TIGD1: variants seen among roughly 807,000 people sequenced by gnomAD.
The protein encoded by TIGD1 is tigger transposable element-derived protein 1.
Under a neutral mutation model 21.3 loss-of-function variants are expected in TIGD1, and 20 were observed. That is an observed-to-expected ratio of 0.94 (90% CI 0.66 to 1.36). The LOEUF (loss-of-function observed/expected upper bound fraction) is 1.36. TIGD1 is among the 40% of genes most tolerant of loss of function. TIGD1 has a pLI of 0.00. For synonymous variants in TIGD1, 177 were observed against 123.2 expected (o/e 1.44, Z -2.89); for missense variants, 556 against 350.5 (o/e 1.59, Z -4.68).
chr2:232,548,188 G>A lies in TIGD1; in HGVS notation c.1695C>T (p.Thr565=), dbSNP rs1042470022. 6.5e-7 allele frequency: 1 copy of A among 1,529,576 alleles called. No individual in the cohort carries two copies. Among genetic ancestry groups the A allele is most frequent in the African/African-American group, 1.4e-5 (1 of 72,832 alleles). 94.8% of individuals were successfully genotyped at this position (1,529,576 alleles called of 1,614,324 possible). A position where few individuals can be genotyped will look rare whatever the true frequency, so the allele number is the denominator to read the frequency against. The change falls in exon 1 of 1, where the codon ACC becomes ACT. Residue 565 remains threonine (T), a synonymous_variant. Coordinates refer to ENST00000408957, the MANE Select transcript of TIGD1 (RefSeq NM_145702.4). Reference sequence around the variant, plus strand: ...AGGTTGATGGTTGCTGACTGGTCAGGGTGGTGGCTGCTGAAGGTTGGGGTG... The same window carrying A: ...AGGTTGATGGTTGCTGACTGGTCAGAGTGGTGGCTGCTGAAGGTTGGGGTG... ...PQPPQPSAAT[T]LTSQQPSTSR...
rs17857052 is a variant in TIGD1, at chr2:232,549,137, T to C, written c.746A>G (p.Asn249Ser). Residue 249 changes from asparagine (N) to serine (S), a missense_variant, in exon 1 of 1, where the codon AAT becomes AGT. Coordinates refer to ENST00000408957, the MANE Select transcript of TIGD1 (RefSeq NM_145702.4). ...CACGGGTAGAGTAGATTTAGTATAATTCTTAAGGGCCCTAGGATTTTCAGA... is the reference window on the plus strand; with the variant it reads ...CACGGGTAGAGTAGATTTAGTATAACTCTTAAGGGCCCTAGGATTTTCAGA... ...YHSENPRALKNYTKSTLPVLY... is the reference protein window; with the variant it reads ...YHSENPRALKSYTKSTLPVLY... 4.2e-6 allele frequency: 3 copies of C among 715,572 alleles called. No individual in the cohort carries two copies. Among genetic ancestry groups the C allele is most frequent in the Admixed American group, 4.0e-5 (2 of 49,894 alleles). The allele number at this position is 715,572 out of a possible 1,614,324, so 44.3% of individuals were successfully genotyped here.
chr2:232,547,381 G>A lies in TIGD1; in HGVS notation c.*726C>T, dbSNP rs1177671724. ...TGCAGTGAGCTGTGATCATGTGACT[G>A]CACTCCAGCCTGATGACACAGTAAG... On this transcript the variant is annotated 3_prime_UTR_variant, in exon 1 of 1. Coordinates refer to ENST00000408957, the MANE Select transcript of TIGD1 (RefSeq NM_145702.4). 6.6e-6 allele frequency among the ~76,000 whole-genome samples: 1 copy of A among 152,094 alleles called. No homozygotes were observed. Among genetic ancestry groups the A allele is most frequent in the Admixed American group, 6.6e-5 (1 of 15,266 alleles).
Position 232,545,566 on chromosome 2 carries a change from G to A in TIGD1, c.*2541C>T. ...AGGGGAATGAGGAGTGGTTCCTGGT[G>A]GGCCGAGTGCTGGACCGCGTCTGCT... On this transcript the variant is annotated 3_prime_UTR_variant, in exon 1 of 1. Transcript: ENST00000408957. The A allele has an allele frequency of 6.2e-7, 1 of 1,613,950 alleles. No homozygotes were observed. Among genetic ancestry groups the A allele is most frequent in the African/African-American group, 1.3e-5 (1 of 75,050 alleles).
Position 232,550,058 on chromosome 2 carries a change from T to C in TIGD1, c.-176A>G, listed in dbSNP as rs1233773784. On this transcript the variant is annotated 5_prime_UTR_variant, in exon 1 of 1. Coordinates refer to ENST00000408957, the MANE Select transcript of TIGD1 (RefSeq NM_145702.4). ...ATGTGGCACCCCAAAACAATGACAA[T>C]AGCAACATCAAAGATCACTGATCAT... 6.3e-6 allele frequency: 3 copies of C among 478,018 alleles called. No homozygotes were observed. The highest frequency in any genetic ancestry group is 1.1e-5 in the Non-Finnish European group (3 of 264,628). The allele number at this position is 478,018 out of a possible 1,614,324, so 29.6% of individuals were successfully genotyped here. A position where few individuals can be genotyped will look rare whatever the true frequency, so the allele number is the denominator to read the frequency against.
chr2:232,545,527 T>C lies in TIGD1; in HGVS notation c.*2580A>G. On this transcript the variant is annotated 3_prime_UTR_variant, in exon 1 of 1. Coordinates refer to ENST00000408957, the MANE Select transcript of TIGD1 (RefSeq NM_145702.4). ...GTGCCGCCGCTGGTTATCCCACACC[T>C]GCCTCCCACCCTCAGGGGAATGAGG... 1 of 1,612,554 alleles carries C rather than the reference T, an allele frequency of 6.2e-7. No individual in the cohort carries two copies. Among genetic ancestry groups the C allele is most frequent in the Non-Finnish European group, 8.5e-7 (1 of 1,179,576 alleles).
rs1366037472 is a variant in TIGD1, at chr2:232,546,994, G to T, written c.*1113C>A. 6.6e-6 allele frequency among the ~76,000 whole-genome samples: 1 copy of T among 152,192 alleles called. No individual in the cohort carries two copies. The highest frequency in any genetic ancestry group is 1.5e-5 in the Non-Finnish European group (1 of 68,030). ...TGGGGTCTTCCTGGGGGAGAGGCAA[G>T]GTCCTGCTCTGAGATTACAGCCGGC... On this transcript the variant is annotated 3_prime_UTR_variant, in exon 1 of 1. Transcript: ENST00000408957.
rs765181661 is a variant in TIGD1 at position 232,545,722 on chromosome 2, CCAA to C, written c.*2382_*2384del. The C allele has an allele frequency of 4.8e-5, 78 of 1,614,004 alleles. No individual in the cohort carries two copies. Among genetic ancestry groups the C allele is most frequent in the Non-Finnish European group, 6.3e-5 (74 of 1,180,048 alleles). ...ACCTGCCCTCACCAGACTGAGCCAA[CCAA>C]CCACTGTGGGGCATGTGGGAGTCAC... is the stretch of plus-strand genomic sequence containing the variant. On this transcript the variant is annotated 3_prime_UTR_variant, in exon 1 of 1. Transcript: ENST00000408957.
At position 232,550,217 on chromosome 2, in the gene TIGD1, C is replaced by A; in HGVS notation, c.-335G>T. 1 of 305,062 alleles carries A rather than the reference C, an allele frequency of 3.3e-6. No homozygotes were observed. Among genetic ancestry groups the A allele is most frequent in the East Asian group, 6.6e-5 (1 of 15,122 alleles). The allele number at this position is 305,062 out of a possible 1,614,324, so 18.9% of individuals were successfully genotyped here. On this transcript the variant is annotated 5_prime_UTR_variant, in exon 1 of 1. Transcript: ENST00000408957. ...GCTGATACAATTGCTGGACTCAGGGCTGCCACAAACCCTCCATTTGTTTTC... is the reference window on the plus strand; with the variant it reads ...GCTGATACAATTGCTGGACTCAGGGATGCCACAAACCCTCCATTTGTTTTC...
At position 232,547,965 on chromosome 2, in the gene TIGD1, A is replaced by G. The variant is rs1044362444; in HGVS notation, c.*142T>C. 4 of 447,074 alleles carry G rather than the reference A, an allele frequency of 8.9e-6. No homozygotes were observed. Among genetic ancestry groups the G allele is most frequent in the African/African-American group, 8.1e-5 (4 of 49,092 alleles). The allele number at this position is 447,074 out of a possible 1,614,324, so 27.7% of individuals were successfully genotyped here. ...AGACCAACACAAGAAAGCAAGTCAC[A>G]TGAATGTTTTTGGTTTCCCAATGCA... On this transcript the variant is annotated 3_prime_UTR_variant, in exon 1 of 1. Coordinates refer to ENST00000408957, the MANE Select transcript of TIGD1 (RefSeq NM_145702.4).
Position 232,548,309 on chromosome 2 carries a change from T to C in TIGD1, c.1574A>G (p.Asn525Ser). The C allele has an allele frequency of 2.0e-6, 3 of 1,502,018 alleles. No homozygotes were observed. The South Asian group carries it at 3.9e-5, about 19-fold the overall frequency. The allele number at this position is 1,502,018 out of a possible 1,614,324, so 93.0% of individuals were successfully genotyped here. A position where few individuals can be genotyped will look rare whatever the true frequency, so the allele number is the denominator to read the frequency against. ...RSSTVGKMLSNSIACYREIFH... is the reference protein window; with the variant it reads ...RSSTVGKMLSSSIACYREIFH... ...GATTTCTCTGTAGCATGCGATGCTG[T>C]TTGATAGCATTTTGCCCACAGTAGA... Residue 525 changes from asparagine to serine, a missense_variant, in exon 1 of 1, where the codon AAC becomes AGC. Asn to Ser is a conservative substitution (Grantham distance 46). Coordinates refer to ENST00000408957, the MANE Select transcript of TIGD1 (RefSeq NM_145702.4).
Position 232,544,920 on chromosome 2 carries a change from G to C in TIGD1, c.*3187C>G, listed in dbSNP as rs770089601. 6.2e-5 allele frequency: 100 copies of C among 1,613,662 alleles called. No individual in the cohort carries two copies. Among genetic ancestry groups the C allele is most frequent in the Non-Finnish European group, 7.9e-5 (93 of 1,179,936 alleles). ...TTGACAATGTAAGCTGAGTCAGGGT[G>C]GGGTGGAGGTGGAGTGAGTACCTGG... On this transcript the variant is annotated 3_prime_UTR_variant, in exon 1 of 1. Transcript: ENST00000408957.
Position 232,546,683 on chromosome 2 carries a change from T to A in TIGD1, c.*1424A>T, listed in dbSNP as rs1692140339. Among the ~76,000 whole-genome samples the A allele has an allele frequency of 6.6e-6, 1 of 151,776 alleles. No homozygotes were observed. Among genetic ancestry groups the A allele is most frequent in the Admixed American group, 6.6e-5 (1 of 15,222 alleles). ...TCACAGCAGTATGGATAAGCAAGAG[T>A]CATTATTCCCCATGTTATATAGGCA... is the stretch of plus-strand genomic sequence containing the variant. On this transcript the variant is annotated 3_prime_UTR_variant, in exon 1 of 1. Coordinates refer to ENST00000408957, the MANE Select transcript of TIGD1 (RefSeq NM_145702.4).
Position 232,544,276 on chromosome 2 carries a change from T to C in TIGD1, c.*3831A>G, listed in dbSNP as rs1341160940. 3.1e-6 allele frequency: 3 copies of C among 964,482 alleles called. 1 individual carries two copies. Among genetic ancestry groups the C allele is most frequent in the East Asian group, 4.8e-5 (2 of 42,086 alleles). 59.7% of individuals were successfully genotyped at this position (964,482 alleles called of 1,614,324 possible). On this transcript the variant is annotated 3_prime_UTR_variant, in exon 1 of 1. Coordinates refer to ENST00000408957, the MANE Select transcript of TIGD1 (RefSeq NM_145702.4). ...TCACTGCCCCGGTATGCTGCCTCCA[T>C]GGTCCCTAGCAGCACAAGCCCTTCA...
Position 232,546,193 on chromosome 2 carries a change from C to T in TIGD1, c.*1914G>A, listed in dbSNP as rs59295139. The T allele has an allele frequency of 2.1e-4, 47 of 221,832 alleles. No homozygotes were observed. The highest frequency in any genetic ancestry group is 1.0e-3 in the African/African-American group (45 of 44,576). 13.7% of individuals were successfully genotyped at this position (221,832 alleles called of 1,614,324 possible). On this transcript the variant is annotated 3_prime_UTR_variant, in exon 1 of 1. Transcript: ENST00000408957. ...AGCCCATACCAGCTGGCATCTCCCC[C>T]CCGTGCCTTCTGGGTACAATAAGCA...
Position 232,549,859 on chromosome 2 carries a change from T to C in TIGD1, c.24A>G (p.Glu8=). The C allele has an allele frequency of 6.6e-7, 1 of 1,517,316 alleles. No individual in the cohort carries two copies. The highest frequency in any genetic ancestry group is 2.1e-5 in the Admixed American group (1 of 48,478). 94.0% of individuals were successfully genotyped at this position (1,517,316 alleles called of 1,614,324 possible). The change falls in exon 1 of 1, where the codon GAA becomes GAG. Residue 8 remains glutamate (E), a synonymous_variant. Coordinates refer to ENST00000408957, the MANE Select transcript of TIGD1 (RefSeq NM_145702.4). ...AAGTGAGAGATGTGCGACTCTTCCT[T>C]TCACTTGAGCACTTAGAGGCCATTG... MASKCSS[E]RKSRTSLTLN... is the part of the protein sequence containing the mutation.
At position 232,543,998 on chromosome 2, in the gene TIGD1, G is replaced by C. The variant is rs1463123597; in HGVS notation, c.*4109C>G. Among the ~76,000 whole-genome samples, 1 of 152,234 alleles carries C rather than the reference G, an allele frequency of 6.6e-6. No homozygotes were observed. Among genetic ancestry groups the C allele is most frequent in the Admixed American group, 6.5e-5 (1 of 15,294 alleles). On this transcript the variant is annotated 3_prime_UTR_variant, in exon 1 of 1. Transcript: ENST00000408957. ...CCTGCCCAAGGAAGTGCACTACAAA[G>C]TCGAAAAAGCAGGAGTCTGCCAGGG...
Position 232,550,435 on chromosome 2 carries a change from T to G in TIGD1, c.-553A>C, listed in dbSNP as rs1273973846. On this transcript the variant is annotated 5_prime_UTR_variant, in exon 1 of 1. Coordinates refer to ENST00000408957, the MANE Select transcript of TIGD1 (RefSeq NM_145702.4). ...GTCAACGACGCGGTGCTGCCTTTTT[T>G]CCGAGCCGCTGCGGGAGGGGGCCAG... 2.0e-6 allele frequency: 1 copy of G among 495,298 alleles called. No homozygotes were observed. The highest frequency in any genetic ancestry group is 2.0e-5 in the African/African-American group (1 of 48,782). The allele number at this position is 495,298 out of a possible 1,614,324, so 30.7% of individuals were successfully genotyped here.
rs1055176338 is a variant in TIGD1, at chr2:232,544,474, G to T, written c.*3633C>A. ...GGCTACAGAATGGCTCCTCGGGATG[G>T]TCGATCACAACTGGGGAGGAGGTGG... is the stretch of plus-strand genomic sequence containing the variant. On this transcript the variant is annotated 3_prime_UTR_variant, in exon 1 of 1. Coordinates refer to ENST00000408957, the MANE Select transcript of TIGD1 (RefSeq NM_145702.4). 2 of 1,613,648 alleles carry T rather than the reference G, an allele frequency of 1.2e-6. No homozygotes were observed. The highest frequency in any genetic ancestry group is 1.3e-5 in the African/African-American group (1 of 74,946).
Position 232,547,916 on chromosome 2 carries a change from C to G in TIGD1, c.*191G>C, listed in dbSNP as rs774020968. ...TAAGGAGGTAGGTCGAGGCATACCT[C>G]AAAGACATTGCAGGTTCAGTTCCAG... is the stretch of plus-strand genomic sequence containing the variant. On this transcript the variant is annotated 3_prime_UTR_variant, in exon 1 of 1. Coordinates refer to ENST00000408957, the MANE Select transcript of TIGD1 (RefSeq NM_145702.4). 1 of 438,386 alleles carries G rather than the reference C, an allele frequency of 2.3e-6. No individual in the cohort carries two copies. Among genetic ancestry groups the G allele is most frequent in the Non-Finnish European group, 4.0e-6 (1 of 251,122 alleles). 27.2% of individuals were successfully genotyped at this position (438,386 alleles called of 1,614,324 possible). A position where few individuals can be genotyped will look rare whatever the true frequency, so the allele number is the denominator to read the frequency against.
Sources: gnomAD v4.1 joint callset for allele counts (sites outside exome capture counted in the v4.1 genomes callset) on GRCh38, gnomAD v4.1.1 for gene constraint, MANE v1.5 for transcripts, NCBI Gene and HGNC (gene_info 2026-07-23, HGNC 2026-07-21) for gene names.